Variants in AFG2A observed in about 807,000 individuals in gnomAD.
AFG2A encodes the protein AAA ATPase AFG2A.
the AFG2A span, among the ~76,000 whole-genome samples, chr4:123,204,743 A>T: frequency 6.6e-6 from 1 of 152,216 alleles, no homozygotes; most frequent in Non-Finnish European, 1.5e-5. Context: ...AAACATTCAT[A>T]TGAGACAGTA....
chr4:123,147,415 T>C, the AFG2A span, among the ~76,000 whole-genome samples: 1 of 152,152 alleles, frequency 6.6e-6, no homozygotes, highest in African/African-American at 2.4e-5. Flanking sequence ...ATTAAACTGG[T>C]ACTCAGTACC....
chr4:123,003,702 T>G, the AFG2A span, among the ~76,000 whole-genome samples: 1 of 152,010 alleles, frequency 6.6e-6, no homozygotes, highest in South Asian at 2.1e-4. Flanking sequence ...GTGTGAGGTG[T>G]CAGTCTGCCC....
the AFG2A span, among the ~76,000 whole-genome samples, chr4:123,183,186 T>C: frequency 6.6e-6 from 1 of 152,190 alleles, no homozygotes; most frequent in Non-Finnish European, 1.5e-5. Flanking sequence ...TCTGGTTCTG[T>C]TACTTACTAC....
At chr4:122,932,428 A>G in the AFG2A span, among the ~76,000 whole-genome samples, 4 of 152,010 alleles carry the variant, frequency 2.6e-5, no homozygotes, top group South Asian at 2.1e-4. Flanking sequence ...CCTGAGCTCA[A>G]GCGGTCCACC....
the AFG2A span, among the ~76,000 whole-genome samples, chr4:123,119,334 C>T: frequency 6.6e-6 from 1 of 152,070 alleles, no homozygotes; most frequent in South Asian, 2.1e-4. Flanking sequence ...TGGAAATAGA[C>T]TCAACTGATT....
At chr4:123,078,583 A>T in the AFG2A span, among the ~76,000 whole-genome samples, 1 of 152,226 alleles carries the variant, frequency 6.6e-6, no homozygotes, top group African/African-American at 2.4e-5. Context: ...AAATGGTCAC[A>T]TCATAAGACC....
the AFG2A span, among the ~76,000 whole-genome samples, chr4:123,076,256 A>G: frequency 6.6e-6 from 1 of 152,000 alleles, no homozygotes; most frequent in African/African-American, 2.4e-5. Context: ...CGACAGTGAG[A>G]CCCTGTCTCA....
the AFG2A span, chr4:122,933,977 T>C: frequency 8.6e-7 from 1 of 1,161,704 alleles, no homozygotes; most frequent in South Asian, 1.9e-5. Context: ...ACAATTATTT[T>C]ATTAATACTC....
At chr4:122,947,262 TG>T in the AFG2A span, 1 of 1,611,086 alleles carries the variant, frequency 6.2e-7, no homozygotes, top group Non-Finnish European at 8.5e-7. Context: ...TGTTGGTTCT[TG>T]GGGCCACAAA....
the AFG2A span, among the ~76,000 whole-genome samples, chr4:123,236,492 A>C: frequency 6.6e-6 from 1 of 152,194 alleles, no homozygotes; most frequent in East Asian, 1.9e-4. Flanking sequence ...TTAAATTTTT[A>C]TGAGGCCACC....
At chr4:123,197,548 TC>T in the AFG2A span, among the ~76,000 whole-genome samples, 1 of 151,916 alleles carries the variant, frequency 6.6e-6, no homozygotes, top group Non-Finnish European at 1.5e-5. Flanking sequence ...GATGGGCAAA[TC>T]ATGAGGTCAG....
chr4:123,069,193 G>A, the AFG2A span, among the ~76,000 whole-genome samples: 1 of 152,138 alleles, frequency 6.6e-6, no homozygotes, highest in Non-Finnish European at 1.5e-5. Flanking sequence ...TTAGGCCAGT[G>A]AGAACACATT....
chr4:123,061,952 G>C, the AFG2A span, among the ~76,000 whole-genome samples: 1 of 152,304 alleles, frequency 6.6e-6, no homozygotes, highest in South Asian at 2.1e-4. Context: ...ATATGAACCA[G>C]ATGGGAGGTA....
At chr4:123,088,792 C>T in the AFG2A span, among the ~76,000 whole-genome samples, 1,877 of 152,238 alleles carry the variant, frequency 0.012, 37 homozygotes, top group African/African-American at 0.043. Context: ...TTGTTAGTTT[C>T]CTGAGGTCTC....
At chr4:123,005,872 A>G in the AFG2A span, among the ~76,000 whole-genome samples, 4 of 152,206 alleles carry the variant, frequency 2.6e-5, no homozygotes, top group East Asian at 5.8e-4. Context: ...CATATATTGT[A>G]AACTTCAAAA....
chr4:123,168,039 C>T, the AFG2A span, among the ~76,000 whole-genome samples: 7 of 152,172 alleles, frequency 4.6e-5, no homozygotes, highest in Non-Finnish European at 1.0e-4. Flanking sequence ...TCCAGTATCA[C>T]TATTTGTTTT....
At chr4:122,935,450 G>C in the AFG2A span, among the ~76,000 whole-genome samples, 10 of 151,270 alleles carry the variant, frequency 6.6e-5, no homozygotes, top group African/African-American at 2.4e-4. Context: ...GGGATGGGGC[G>C]TTGCAACAAT....
the AFG2A span, chr4:123,056,278 G>A: frequency 1.0e-6 from 1 of 977,200 alleles, no homozygotes; most frequent in Non-Finnish European, 1.5e-6. Flanking sequence ...GGATTAATAA[G>A]CAGATTTTGT....
the AFG2A span, among the ~76,000 whole-genome samples, chr4:123,249,827 G>C: frequency 6.6e-6 from 1 of 152,152 alleles, no homozygotes; most frequent in African/African-American, 2.4e-5. Flanking sequence ...TTTAAGTAGT[G>C]TTAGCCAGGT....
Sources: gnomAD v4.1 joint callset for allele counts (sites outside exome capture counted in the v4.1 genomes callset) on GRCh38, gnomAD v4.1.1 for gene constraint, MANE v1.5 for transcripts, NCBI Gene and HGNC (gene_info 2026-07-23, HGNC 2026-07-21) for gene names.